The following EPHA6 variants were observed in gnomAD, a reference collection of about 807,000 sequenced individuals.
EPHA6 encodes the protein EPH receptor A6.
In EPHA6, 50 loss-of-function variants were observed where a neutral mutation model predicts 112.0. The observed-to-expected ratio is 0.45, with a 90% CI of 0.36 to 0.56. The LOEUF is 0.56. Among genes scored for constraint, EPHA6 ranks in the 20% least tolerant of loss-of-function variants. EPHA6 has a pLI of 0.00. For synonymous variants in EPHA6, 529 were observed against 490.7 expected (o/e 1.08, Z -1.03); for missense variants, 1,280 against 1,417.4 (o/e 0.90, Z 1.56).
At chr3:97,098,264 A>G (rs1344046478) in intron 3 of EPHA6, among the ~76,000 whole-genome samples, 2 of 151,918 alleles carry the variant, frequency 1.3e-5, no homozygotes, top group Non-Finnish European at 2.9e-5. Flanking sequence ...CTTTTATTCT[A>G]TACTTCTAAA....
At chr3:97,162,767 T>C (rs955747055) in intron 3 of EPHA6, among the ~76,000 whole-genome samples, 3 of 152,100 alleles carry the variant, frequency 2.0e-5, no homozygotes, top group Non-Finnish European at 4.4e-5. Flanking sequence ...AGTCTGGGAA[T>C]TGATTGAGAG....
At chr3:97,527,446 G>A (rs150907187) in intron 10 of EPHA6, among the ~76,000 whole-genome samples, 96 of 151,892 alleles carry the variant, frequency 6.3e-4, no homozygotes, top group African/African-American at 2.2e-3. Flanking sequence ...ATACAAGTGC[G>A]TGACCACCTA....
At chr3:97,693,804 T>C (rs2107714648) in intron 14 of EPHA6, among the ~76,000 whole-genome samples, 1 of 152,222 alleles carries the variant, frequency 6.6e-6, no homozygotes, top group East Asian at 1.9e-4. Flanking sequence ...CGAGACTCTG[T>C]CTCAAAATAA....
chr3:97,736,204 A>C, intron 16 of EPHA6, 86 bp downstream of exon 16: 1 of 1,089,334 alleles, frequency 9.2e-7, no homozygotes, highest in Non-Finnish European at 1.3e-6. Context: ...TAGAAAGGAA[A>C]AAAATGCCTT....
At chr3:97,663,252 A>G (rs1480941985) in intron 14 of EPHA6, among the ~76,000 whole-genome samples, 2 of 152,056 alleles carry the variant, frequency 1.3e-5, no homozygotes, top group Non-Finnish European at 2.9e-5. Flanking sequence ...TTAGCATCAG[A>G]TTGGTGTTTA....
chr3:97,539,192 G>A (rs1244012616), intron 11 of EPHA6, among the ~76,000 whole-genome samples: 1 of 144,856 alleles, frequency 6.9e-6, no homozygotes, highest in Non-Finnish European at 1.5e-5. Context: ...CTGTTGCCTA[G>A]GCTGGAGTGC....
chr3:97,016,002 C>T (rs575319690), intron 3 of EPHA6, among the ~76,000 whole-genome samples: 1 of 150,856 alleles, frequency 6.6e-6, no homozygotes, highest in African/African-American at 2.4e-5. Context: ...ATTTGGCTAA[C>T]CTGCAGTTTG....
At chr3:96,879,160 CTA>C (rs1343363729) in intron 2 of EPHA6, among the ~76,000 whole-genome samples, 1 of 152,002 alleles carries the variant, frequency 6.6e-6, no homozygotes, top group Non-Finnish European at 1.5e-5. Flanking sequence ...CAGAGGGAAA[CTA>C]TGAATGTTAC....
intron 2 of EPHA6, among the ~76,000 whole-genome samples, chr3:96,940,859 G>C (rs575710420): frequency 6.6e-6 from 1 of 152,214 alleles, no homozygotes; most frequent in East Asian, 1.9e-4. Context: ...CACTTATGAA[G>C]CTTAGTTTGG....
chr3:96,904,091 G>C (rs1334031990), intron 2 of EPHA6, among the ~76,000 whole-genome samples: 1 of 152,076 alleles, frequency 6.6e-6, no homozygotes, highest in African/African-American at 2.4e-5. Context: ...ATTTGACCCA[G>C]CCATCCCGTT....
chr3:97,196,082 T>A (rs2077433747), intron 3 of EPHA6, among the ~76,000 whole-genome samples: 1 of 151,726 alleles, frequency 6.6e-6, no homozygotes, highest in South Asian at 2.1e-4. Flanking sequence ...CCCAGATCTC[T>A]CTCTCTATCC....
intron 2 of EPHA6, among the ~76,000 whole-genome samples, chr3:96,905,842 G>A (rs866320043): frequency 1.3e-5 from 2 of 151,804 alleles, no homozygotes; most frequent in Non-Finnish European, 2.9e-5. Context: ...ATGAATTTTA[G>A]CCTAGATTAC....
intron 3 of EPHA6, among the ~76,000 whole-genome samples, chr3:97,135,532 A>G (rs556361046): frequency 6.6e-6 from 1 of 152,300 alleles, no homozygotes; most frequent in East Asian, 1.9e-4. Flanking sequence ...CATTCTTAAA[A>G]TATTTAATAC....
chr3:97,636,049 G>A (rs140437724), intron 13 of EPHA6, among the ~76,000 whole-genome samples: 4 of 152,062 alleles, frequency 2.6e-5, no homozygotes, highest in Admixed American at 2.6e-4. Flanking sequence ...TAAGTGAGGA[G>A]CTGTGCTGTC....
At chr3:96,950,988 G>T (rs1402395319) in intron 2 of EPHA6, among the ~76,000 whole-genome samples, 1 of 151,546 alleles carries the variant, frequency 6.6e-6, no homozygotes, top group African/African-American at 2.4e-5. Context: ...TATATTTAGT[G>T]TTGACTTCTT....
At chr3:97,445,866 G>A (rs186687135) in intron 6 of EPHA6, among the ~76,000 whole-genome samples, 5 of 152,036 alleles carry the variant, frequency 3.3e-5, no homozygotes, top group Admixed American at 1.3e-4. Context: ...ACAATGGAAC[G>A]TGTTCCCTAG....
chr3:97,479,031 T>G lies in EPHA6; in HGVS notation c.2004-263T>G, dbSNP rs562388649. On this transcript the variant is annotated intron_variant, in intron 8 of 17. Transcript: ENST00000389672. ...TACCAACTCTAGCTATTAGTAGTCA[T>G]GTAAGGGATGGTTATGGCAGATTAT... Among the ~76,000 whole-genome samples the G allele has an allele frequency of 5.3e-5, 8 of 152,304 alleles. No individual in the cohort carries two copies. The South Asian group carries it at 1.4e-3, about 28-fold the overall frequency.
rs187121083 is a variant in EPHA6 at position 97,154,252 on chromosome 3, C to T, written c.1115-72012C>T. Among the ~76,000 whole-genome samples the T allele has an allele frequency of 7.3e-5, 11 of 151,266 alleles. No homozygotes were observed. In the South Asian group the frequency reaches 1.7e-3, roughly 23 times the overall value. ...TTGCATATATTGGGAAGATATGTCT[C>T]GTCTTTTTCTTTAAACAATAATTAA... On this transcript the variant is annotated intron_variant, in intron 3 of 17. Transcript: ENST00000389672.
intron 7 of EPHA6, among the ~76,000 whole-genome samples, chr3:97,461,169 T>C (rs1286175559): frequency 3.3e-5 from 5 of 152,132 alleles, no homozygotes; most frequent in African/African-American, 4.8e-5. Flanking sequence ...GAAGAACTTA[T>C]ACAAGCAGAA....
Sources: gnomAD v4.1 joint callset for allele counts (sites outside exome capture counted in the v4.1 genomes callset) on GRCh38, gnomAD v4.1.1 for gene constraint, MANE v1.5 for transcripts, NCBI Gene and HGNC (gene_info 2026-07-23, HGNC 2026-07-21) for gene names.